Variants in PRKCH observed in about 807,000 individuals in gnomAD.
PRKCH encodes the protein protein kinase C eta type.
In PRKCH, 28 loss-of-function variants were observed where a neutral mutation model predicts 82.5. That is an observed-to-expected ratio of 0.34 (90% CI 0.25 to 0.47). PRKCH has a LOEUF of 0.47. Among genes scored for constraint, PRKCH ranks in the 20% least tolerant of loss-of-function variants. The pLI is 1.00. For missense variants in PRKCH, 705 were observed against 881.8 expected, an observed-to-expected ratio of 0.80 and a Z score of 2.54; for synonymous variants, 322 against 327.4, an observed-to-expected ratio of 0.98 and a Z score of 0.18.
At chr14:61,522,363 T>C (rs538547878) in intron 10 of PRKCH, among the ~76,000 whole-genome samples, 1 of 152,250 alleles carries the variant, frequency 6.6e-6, no homozygotes, top group South Asian at 2.1e-4. Flanking sequence ...GAGTCAGAGT[T>C]TTCCATGGTT....
At chr14:61,435,261 C>T (rs1043376886) in intron 2 of PRKCH, among the ~76,000 whole-genome samples, 1 of 152,206 alleles carries the variant, frequency 6.6e-6, no homozygotes, top group Non-Finnish European at 1.5e-5. Flanking sequence ...CCCGAATAAA[C>T]TACTTGCAAC....
chr14:61,250,200 G>A lies in PRKCH; in HGVS notation c.-19+62532G>A, dbSNP rs528251005. ...ACTTGAACAGAGGTTGCAGTGAGCC[G>A]AACTCCAGCCTGGGCGATAGAGTGA... On this transcript the variant is annotated intron_variant, in intron 1 of 3. Transcript: ENST00000555185. 4.9e-3 allele frequency among the ~76,000 whole-genome samples: 742 copies of A among 150,818 alleles called. 6 individuals are homozygous for A. The highest frequency in any genetic ancestry group is 5.7e-3 in the Non-Finnish European group (384 of 67,736).
chr14:61,471,986 T>C (rs960980671), intron 9 of PRKCH, among the ~76,000 whole-genome samples: 16 of 152,196 alleles, frequency 1.1e-4, no homozygotes, highest in African/African-American at 3.9e-4. Flanking sequence ...TTATTTTTTT[T>C]CTGAGTTTGT....
At position 61,212,297 on chromosome 14, in the gene PRKCH, C is replaced by T. The variant is rs144770287; in HGVS notation, c.-19+24629C>T. 2.7e-4 allele frequency among the ~76,000 whole-genome samples: 41 copies of T among 152,272 alleles called. 3 individuals are homozygous for T. The highest frequency in any genetic ancestry group is 8.2e-4 in the African/African-American group (34 of 41,548). On this transcript the variant is annotated intron_variant, in intron 1 of 3. Coordinates refer to the PRKCH transcript ENST00000555185. ...ATTGCAGAGTGTTTTTCAATACTGT[C>T]GAATGGATGGACTTTCCTGTTGCAG...
chr14:61,410,939 T>C lies in PRKCH; in HGVS notation c.427+19651T>C, dbSNP rs116577448. Among the ~76,000 whole-genome samples, 1,049 of 152,322 alleles carry C rather than the reference T, an allele frequency of 6.9e-3. 19 individuals are homozygous for C. Among genetic ancestry groups the C allele is most frequent in the African/African-American group, 0.024 (999 of 41,556 alleles). ...GTCAGGAAGAGCTGTGGACAGATGATTTTTGAAAATGAGGGTGATTGCAAA... is the reference window on the plus strand; with the variant it reads ...GTCAGGAAGAGCTGTGGACAGATGACTTTTGAAAATGAGGGTGATTGCAAA... On this transcript the variant is annotated intron_variant, in intron 2 of 13. Transcript: ENST00000332981.
intron 1 of PRKCH, among the ~76,000 whole-genome samples, chr14:61,210,918 A>G (rs1594854247): frequency 6.6e-6 from 1 of 152,116 alleles, no homozygotes; most frequent in Non-Finnish European, 1.5e-5. Context: ...ACCACATGCA[A>G]TTGTGGGAGT....
chr14:61,327,947 T>C (rs902580581), intron 1 of PRKCH, among the ~76,000 whole-genome samples: 9 of 152,196 alleles, frequency 5.9e-5, no homozygotes, highest in African/African-American at 2.2e-4. Context: ...CATACCAATA[T>C]GTGCTTGAAA....
chr14:61,449,902 G>A (rs12436619), intron 5 of PRKCH, among the ~76,000 whole-genome samples: 1 of 26,706 alleles, frequency 3.7e-5, no homozygotes, highest in Non-Finnish European at 2.2e-4. Flanking sequence ...CTCTCTCTCT[G>A]TGTGTGTGTG....
Position 61,397,355 on chromosome 14 carries a change from C to A in PRKCH, c.427+6067C>A, listed in dbSNP as rs557526417. Among the ~76,000 whole-genome samples the A allele has an allele frequency of 1.7e-4, 26 of 152,244 alleles. 1 individual carries two copies. Among genetic ancestry groups the A allele is most frequent in the South Asian group, 1.2e-3 (6 of 4,822 alleles). On this transcript the variant is annotated intron_variant, in intron 2 of 13. Transcript: ENST00000332981. ...GGAGTTTGAGGTGCTTGTGGGAAAT[C>A]TAAGTTGCAATGTCTGGGAGAAATT...
chr14:61,250,484 T>G (rs1052969475), intron 1 of PRKCH, among the ~76,000 whole-genome samples: 73 of 152,044 alleles, frequency 4.8e-4, no homozygotes, highest in South Asian at 8.3e-4. Flanking sequence ...AAGAAACCAA[T>G]CTGAACAGGC....
intron 2 of PRKCH, among the ~76,000 whole-genome samples, chr14:61,414,239 C>T (rs561513665): frequency 4.1e-4 from 63 of 151,844 alleles, no homozygotes; most frequent in African/African-American, 1.4e-3. Context: ...TGTGTCCAGT[C>T]GTGTGCTGGG....
Position 61,322,300 on chromosome 14 carries a change from A to G in PRKCH, c.199A>G (p.Thr67Ala), listed in dbSNP as rs201686253. ...CACCAAGCAGAAGACCAACAAACCC[A>G]CGTACAACGAGGAGTTTTGCGCTAA... ...TSTKQKTNKP[T>A]YNEEFCANVT... is the part of the protein sequence containing the mutation. The change falls in exon 1 of 14, where the codon ACG becomes GCG. Residue 67 changes from threonine (T) to alanine (A), a missense_variant. By Grantham distance (58) the Thr-to-Ala change is moderately conservative. Transcript: ENST00000332981. 32 of 1,612,896 alleles carry G rather than the reference A, an allele frequency of 2.0e-5. No individual in the cohort carries two copies. In the East Asian group the frequency reaches 6.3e-4, roughly 32 times the overall value.
intron 10 of PRKCH, among the ~76,000 whole-genome samples, chr14:61,511,219 G>C (rs1223396973): frequency 1.3e-5 from 2 of 152,170 alleles, no homozygotes; most frequent in African/African-American, 4.8e-5. Context: ...ATCATTAACT[G>C]TCTCCATTTG....
chr14:61,229,170 G>A (rs1286245132), intron 1 of PRKCH, among the ~76,000 whole-genome samples: 1 of 152,048 alleles, frequency 6.6e-6, no homozygotes, highest in African/African-American at 2.4e-5. Context: ...CCAAAATAGG[G>A]GATGTGTTAA....
intron 10 of PRKCH, among the ~76,000 whole-genome samples, chr14:61,519,542 T>C (rs1362171938): frequency 6.6e-6 from 1 of 152,164 alleles, no homozygotes; most frequent in Non-Finnish European, 1.5e-5. Flanking sequence ...CAACACTTTC[T>C]GGGCTGGAAA....
intron 1 of PRKCH, among the ~76,000 whole-genome samples, chr14:61,333,331 G>A (rs1163854021): frequency 6.6e-6 from 1 of 152,108 alleles, no homozygotes; most frequent in Non-Finnish European, 1.5e-5. Flanking sequence ...CTGATTAGTA[G>A]CCCTCCTAAA....
intron 1 of PRKCH, among the ~76,000 whole-genome samples, chr14:61,246,141 C>G (rs1007995548): frequency 6.6e-6 from 1 of 152,066 alleles, no homozygotes. Context: ...CGCGGTGGCT[C>G]ACACCTATAA....
rs139149613 is a variant in PRKCH, at chr14:61,340,189, C to G, written c.363+17725C>G. ...GCCCATCCCCAGGAGACTGCGCTGG[C>G]GAAGCCCAGGAGTGACAGTGTAGTC... On this transcript the variant is annotated intron_variant, in intron 1 of 13. Transcript: ENST00000332981. Among the ~76,000 whole-genome samples the G allele has an allele frequency of 3.6e-3, 547 of 152,102 alleles. 1 individual carries two copies. The highest frequency in any genetic ancestry group is 0.012 in the African/African-American group (516 of 41,482).
rs1050825131 is a variant in PRKCH, at chr14:61,191,420, C to T, written c.-19+3752C>T. ...GGGTACAGTGGCTAACGCCTGTAAT[C>T]CCAGCATTTTAGGAGGCTGAGGTGG... On this transcript the variant is annotated intron_variant, in intron 1 of 3. Coordinates refer to the PRKCH transcript ENST00000555185. Among the ~76,000 whole-genome samples the T allele has an allele frequency of 7.9e-5, 12 of 152,292 alleles. 1 individual carries two copies. Among genetic ancestry groups the T allele is most frequent in the Admixed American group, 1.3e-4 (2 of 15,304 alleles).
Sources: allele counts gnomAD v4.1 joint callset (sites outside exome capture counted in the v4.1 genomes callset), GRCh38; gene constraint gnomAD v4.1.1; transcripts MANE v1.5; gene names NCBI Gene and HGNC (gene_info 2026-07-23, HGNC 2026-07-21).